The following THSD7B variants were observed in gnomAD, a reference collection of about 807,000 sequenced individuals.
The protein encoded by THSD7B is thrombospondin type 1 domain containing 7B, also known as thrombospondin type-1 domain-containing protein 7B.
In THSD7B, 138 loss-of-function variants were observed where a neutral mutation model predicts 213.6. The observed-to-expected ratio is 0.65, with a 90% CI of 0.56 to 0.74. THSD7B has a LOEUF of 0.74. Ranked by LOEUF, THSD7B falls within the 30% of genes least tolerant of loss-of-function variation. The pLI, the probability that THSD7B is intolerant of heterozygous loss-of-function variation, is 0.00. For missense variants in THSD7B, 1,931 were observed against 1,991.5 expected, an observed-to-expected ratio of 0.97 and a Z score of 0.58; for synonymous variants, 742 against 687.0, an observed-to-expected ratio of 1.08 and a Z score of -1.25.
At chr2:137,355,678 C>T (rs372223076) in intron 12 of THSD7B, among the ~76,000 whole-genome samples, 5 of 152,254 alleles carry the variant, frequency 3.3e-5, no homozygotes, top group East Asian at 3.9e-4. Flanking sequence ...ACACCATTTA[C>T]TTTTCTAATG....
intron 12 of THSD7B, among the ~76,000 whole-genome samples, chr2:137,367,903 C>T (rs1253989755): frequency 2.0e-5 from 3 of 152,108 alleles, no homozygotes; most frequent in Non-Finnish European, 4.4e-5. Context: ...TTATTTATCA[C>T]CCAAAGGCCT....
intron 14 of THSD7B, among the ~76,000 whole-genome samples, chr2:137,446,321 C>T (rs558399655): frequency 5.5e-4 from 84 of 152,090 alleles, no homozygotes; most frequent in Admixed American, 4.6e-3. Context: ...CCACCTTATT[C>T]GGAGAACTGT....
At chr2:136,828,798 T>C (rs111563212) in intron 1 of THSD7B, among the ~76,000 whole-genome samples, 5 of 152,236 alleles carry the variant, frequency 3.3e-5, no homozygotes, top group Admixed American at 6.5e-5. Context: ...CACTTCTTCA[T>C]AGAAGCTCCC....
chr2:137,005,848 A>G (rs1352946049), intron 2 of THSD7B, among the ~76,000 whole-genome samples: 1 of 152,188 alleles, frequency 6.6e-6, no homozygotes, highest in East Asian at 1.9e-4. Context: ...CAAATTACAT[A>G]GTTTTGGGTG....
chr2:136,957,710 GAA>G (rs1685151286), intron 2 of THSD7B, among the ~76,000 whole-genome samples: 1 of 152,118 alleles, frequency 6.6e-6, no homozygotes, highest in African/African-American at 2.4e-5. Flanking sequence ...GGATAAATGT[GAA>G]AAGTTTGAGG....
At chr2:137,626,314 T>A (rs542154940) in intron 20 of THSD7B, among the ~76,000 whole-genome samples, 38 of 151,934 alleles carry the variant, frequency 2.5e-4, no homozygotes, top group Admixed American at 2.1e-3. Flanking sequence ...TACAAAAAAA[T>A]TTAGCCAGGT....
intron 14 of THSD7B, among the ~76,000 whole-genome samples, chr2:137,424,431 A>G (rs1686995054): frequency 6.6e-6 from 1 of 152,192 alleles, no homozygotes; most frequent in Admixed American, 6.5e-5. Context: ...CTATGAGAAA[A>G]GAAAATTATA....
At chr2:137,316,893 A>G (rs566982721) in intron 12 of THSD7B, among the ~76,000 whole-genome samples, 2 of 152,214 alleles carry the variant, frequency 1.3e-5, no homozygotes, top group African/African-American at 4.8e-5. Context: ...TGTTGTTAAC[A>G]TTGCATAAAT....
At chr2:137,204,280 T>C (rs1164790237) in intron 7 of THSD7B, among the ~76,000 whole-genome samples, 1 of 96,276 alleles carries the variant, frequency 1.0e-5, no homozygotes, top group Non-Finnish European at 2.2e-5. Flanking sequence ...AAATTCTTAG[T>C]AAAGGGACAA....
intron 19 of THSD7B, among the ~76,000 whole-genome samples, chr2:137,618,978 T>C (rs529791116): frequency 6.6e-6 from 1 of 152,354 alleles, no homozygotes; most frequent in African/African-American, 2.4e-5. Flanking sequence ...CTTTTCAACC[T>C]ACATTAAAAT....
intron 14 of THSD7B, among the ~76,000 whole-genome samples, chr2:137,428,067 GTATGCAGAATA>G (rs1353782419): frequency 6.6e-6 from 1 of 152,062 alleles, no homozygotes; most frequent in Non-Finnish European, 1.5e-5. Context: ...TAAGAGACTT[GTATGCAGAATA>G]TATAAATAAT....
At chr2:137,567,666 G>A (rs1386384390) in intron 16 of THSD7B, among the ~76,000 whole-genome samples, 1 of 152,096 alleles carries the variant, frequency 6.6e-6, no homozygotes, top group Non-Finnish European at 1.5e-5. Context: ...GGGGAAAAAA[G>A]GAAGCCTCAA....
chr2:136,894,862 C>A (rs1683928154), intron 2 of THSD7B, among the ~76,000 whole-genome samples: 1 of 152,104 alleles, frequency 6.6e-6, no homozygotes. Context: ...TATACTTTAG[C>A]TGTTTCAAAT....
At chr2:136,995,201 CTGTGACCA>C (rs1260705115) in intron 2 of THSD7B, among the ~76,000 whole-genome samples, 1 of 152,122 alleles carries the variant, frequency 6.6e-6, no homozygotes, top group Non-Finnish European at 1.5e-5. Flanking sequence ...CTAGTGGGGT[CTGTGACCA>C]GAAGGTGGGA....
chr2:137,311,642 T>C (rs1163601571), intron 12 of THSD7B, among the ~76,000 whole-genome samples: 1 of 152,102 alleles, frequency 6.6e-6, no homozygotes, highest in Admixed American at 6.5e-5. Context: ...GGCTGTGGGT[T>C]TGTCATAGAT....
intron 2 of THSD7B, 43 bp downstream of exon 2, chr2:136,882,360 A>T: frequency 7.0e-7 from 1 of 1,430,976 alleles, no homozygotes; most frequent in Non-Finnish European, 9.2e-7. Flanking sequence ...TTTCATTAAC[A>T]GGAAGAATAT....
intron 10 of THSD7B, among the ~76,000 whole-genome samples, chr2:137,270,904 T>C (rs1682718538): frequency 6.6e-6 from 1 of 152,164 alleles, no homozygotes; most frequent in Non-Finnish European, 1.5e-5. Flanking sequence ...ATAGTATTTA[T>C]AGATTTGGAG....
chr2:136,784,024 A>AG (rs1229710790), intron 1 of THSD7B, among the ~76,000 whole-genome samples: 1 of 152,196 alleles, frequency 6.6e-6, no homozygotes, highest in Admixed American at 6.5e-5. Flanking sequence ...AGTGAACCCG[A>AG]GGGTGTGTTC....
At position 136,802,639 on chromosome 2, in the gene THSD7B, T is replaced by TA. The variant is rs1682205694; in HGVS notation, c.-36+36952_-36+36953insA. Among the ~76,000 whole-genome samples the TA allele has an allele frequency of 2.1e-3, 123 of 57,374 alleles. 1 individual carries two copies. Among genetic ancestry groups the TA allele is most frequent in the African/African-American group, 5.5e-3 (115 of 20,826 alleles). 37.6% of individuals were successfully genotyped at this position (57,374 alleles called of 152,430 possible). A position where few individuals can be genotyped will look rare whatever the true frequency, so the allele number is the denominator to read the frequency against. On this transcript the variant is annotated intron_variant, in intron 1 of 27. Transcript: ENST00000409968. ...TTTAAAAATAATTTATGAATTAAGT[T>TA]TATATATATATATATATATATATAT...
Sources: gnomAD v4.1 joint callset for allele counts (sites outside exome capture counted in the v4.1 genomes callset) on GRCh38, gnomAD v4.1.1 for gene constraint, MANE v1.5 for transcripts, NCBI Gene and HGNC (gene_info 2026-07-23, HGNC 2026-07-21) for gene names.